OSBPL3: variants seen among roughly 807,000 people sequenced by gnomAD.
The protein encoded by OSBPL3 is oxysterol-binding protein-related protein 3.
In OSBPL3, 65 loss-of-function variants were observed where a neutral mutation model predicts 120.1. That is an observed-to-expected ratio of 0.54 (90% CI 0.44 to 0.67). The LOEUF (loss-of-function observed/expected upper bound fraction) is 0.67. OSBPL3 is among the 30% of genes least tolerant of loss of function. The pLI, the probability that OSBPL3 is intolerant of heterozygous loss-of-function variation, is 0.00. For missense variants in OSBPL3, 1,004 were observed against 1,082.1 expected, an observed-to-expected ratio of 0.93 and a Z score of 1.01; for synonymous variants, 416 against 402.6, an observed-to-expected ratio of 1.03 and a Z score of -0.40.
intron 10 of OSBPL3, among the ~76,000 whole-genome samples, chr7:24,859,605 T>G (rs777939238): frequency 6.6e-6 from 1 of 152,204 alleles, no homozygotes; most frequent in Non-Finnish European, 1.5e-5. Context: ...GATTATGGAC[T>G]CTGGGGTCAA....
At chr7:24,866,280 C>T in intron 5 of OSBPL3, 43 bp from the exon 6 acceptor site, 1 of 1,393,658 alleles carries the variant, frequency 7.2e-7, no homozygotes, top group African/African-American at 1.4e-5. Context: ...GAGAATCATT[C>T]ACTGGAAGGA....
rs1165117335 is a variant in OSBPL3 at position 24,900,172 on chromosome 7, GA to G, written c.-149-7552del. Reference sequence around the variant, plus strand: ...ACAGACCAACAAAATCAGGAACTGAGAGGGGGACCCTGGGATCTGTTTTTCA... The same window carrying G: ...ACAGACCAACAAAATCAGGAACTGAGGGGGGACCCTGGGATCTGTTTTTCA... On this transcript the variant is annotated intron_variant, in intron 1 of 22. Transcript: ENST00000313367. This position sits in a 1 kb window ranked among gnomAD's most constrained non-coding sequence, Gnocchi z 4.5. Among the ~76,000 whole-genome samples, 1 of 152,212 alleles carries G rather than the reference GA, an allele frequency of 6.6e-6. No homozygotes were observed. The highest frequency in any genetic ancestry group is 1.5e-5 in the Non-Finnish European group (1 of 68,030).
chr7:24,967,006 A>G lies in OSBPL3; in HGVS notation c.-150+12880T>C, dbSNP rs897017855. ...TAAGATAAGCAATACACTGCCACAC[A>G]GGCAAATTCAGCTTAAGAGACTGAA... is the stretch of plus-strand genomic sequence containing the variant. On this transcript the variant is annotated intron_variant, in intron 1 of 22. Transcript: ENST00000313367. This position sits in a 1 kb window ranked among gnomAD's most constrained non-coding sequence, Gnocchi z 5.6. Among the ~76,000 whole-genome samples, 1 of 152,224 alleles carries G rather than the reference A, an allele frequency of 6.6e-6. No homozygotes were observed. The highest frequency in any genetic ancestry group is 1.5e-5 in the Non-Finnish European group (1 of 68,038).
intron 1 of OSBPL3, among the ~76,000 whole-genome samples, chr7:24,979,077 A>G (rs1817898912): frequency 6.6e-6 from 1 of 152,196 alleles, no homozygotes; most frequent in Non-Finnish European, 1.5e-5. Flanking sequence ...GCTTATGATG[A>G]CAGTACTTAA....
chr7:24,875,481 AT>A (rs1802718878), intron 2 of OSBPL3, among the ~76,000 whole-genome samples: 1 of 152,170 alleles, frequency 6.6e-6, no homozygotes, highest in Non-Finnish European at 1.5e-5. Flanking sequence ...CATTCTTTGA[AT>A]TTTCCTTTAT....
Position 24,834,515 on chromosome 7 carries a change from C to T in OSBPL3, c.1717G>A (p.Ala573Thr), listed in dbSNP as rs374820095. 8.5e-5 allele frequency: 137 copies of T among 1,613,024 alleles called. 1 individual carries two copies. Among genetic ancestry groups the T allele is most frequent in the Admixed American group, 2.2e-4 (13 of 59,906 alleles). ...CTTTCCAGGGGGCTGGGAATCTGCG[C>T]GGCCTTGTCCAGGAGCTCGCTGTAC... ...LEYSELLDKAAQIPSPLERMV... is the reference protein window; with the variant it reads ...LEYSELLDKATQIPSPLERMV... Residue 573 changes from alanine to threonine, a missense_variant, in exon 15 of 23, where the codon GCG becomes ACG. Physicochemically the swap from Ala to Thr is moderately conservative, Grantham distance 58 (BLOSUM62 0). Around this residue, in one of 4 missense-constraint regions of OSBPL3, gnomAD observed 473 missense variants for 568.0 expected, o/e 0.83. Transcript: ENST00000313367. The surrounding 1 kb of genome is among the most constrained non-coding windows in gnomAD (Gnocchi z 5.2).
At position 24,830,532 on chromosome 7, in the gene OSBPL3, C is replaced by T. The variant is rs774369652; in HGVS notation, c.1884+236G>A. Among the ~76,000 whole-genome samples the T allele has an allele frequency of 5.3e-4, 80 of 152,026 alleles. No homozygotes were observed. Among genetic ancestry groups the T allele is most frequent in the African/African-American group, 1.9e-3 (77 of 41,340 alleles). Reference sequence around the variant, plus strand: ...TAATGATTTTAAAGAGAAAGGACACCGGCAATGCATGTAGCCAAGCAAGTG... The same window carrying T: ...TAATGATTTTAAAGAGAAAGGACACTGGCAATGCATGTAGCCAAGCAAGTG... On this transcript the variant is annotated intron_variant, in intron 16 of 22. Transcript: ENST00000313367. This position sits in a 1 kb window ranked among gnomAD's most constrained non-coding sequence, Gnocchi z 4.4.
chr7:24,834,804 G>A lies in OSBPL3; in HGVS notation c.1496-68C>T, dbSNP rs867252073. On this transcript the variant is annotated intron_variant, in intron 14 of 22. Coordinates refer to ENST00000313367, the MANE Select transcript of OSBPL3 (RefSeq NM_015550.4). This position sits in a 1 kb window ranked among gnomAD's most constrained non-coding sequence, Gnocchi z 5.2. ...TTTTATTCTATTATTTTTAATCCAC[G>A]AATAAAACCTTACGTAGCAAGTAGT... The A allele has an allele frequency of 1.4e-5, 20 of 1,380,626 alleles. No homozygotes were observed. Among genetic ancestry groups the A allele is most frequent in the South Asian group, 5.8e-5 (4 of 69,210 alleles). 85.5% of individuals were successfully genotyped at this position (1,380,626 alleles called of 1,614,324 possible). A position where few individuals can be genotyped will look rare whatever the true frequency, so the allele number is the denominator to read the frequency against.
At chr7:24,969,180 C>A (rs189388661) in intron 1 of OSBPL3, among the ~76,000 whole-genome samples, 1 of 152,206 alleles carries the variant, frequency 6.6e-6, no homozygotes, top group African/African-American at 2.4e-5. Flanking sequence ...TGATGTCTGC[C>A]AACCCGATAG....
At chr7:24,971,280 C>G (rs1316483237) in intron 1 of OSBPL3, among the ~76,000 whole-genome samples, 1 of 152,252 alleles carries the variant, frequency 6.6e-6, no homozygotes, top group East Asian at 1.9e-4. Flanking sequence ...TTCGCCCTCT[C>G]TAAGCCTGGA....
intron 1 of OSBPL3, among the ~76,000 whole-genome samples, chr7:24,914,140 A>T (rs1809225827): frequency 6.6e-6 from 1 of 152,146 alleles, no homozygotes. Flanking sequence ...GAATAGGAAC[A>T]GAAGAATGAT....
chr7:24,904,763 C>T (rs1345800469), intron 1 of OSBPL3, among the ~76,000 whole-genome samples: 3 of 151,448 alleles, frequency 2.0e-5, no homozygotes, highest in Non-Finnish European at 2.9e-5. Context: ...AGGACAAATA[C>T]GGCATGATTC....
rs1816686850 is a variant in OSBPL3 at position 24,968,844 on chromosome 7, C to T, written c.-150+11042G>A. On this transcript the variant is annotated intron_variant, in intron 1 of 22. Coordinates refer to ENST00000313367, the MANE Select transcript of OSBPL3 (RefSeq NM_015550.4). This position sits in a 1 kb window ranked among gnomAD's most constrained non-coding sequence, Gnocchi z 4.6. ...TCACAATAAATCTCACATATCATTC[C>T]ATATCAGAAAATGTAGAGCTGCCTC... is the stretch of plus-strand genomic sequence containing the variant. 6.6e-6 allele frequency among the ~76,000 whole-genome samples: 1 copy of T among 152,112 alleles called. No homozygotes were observed. Among genetic ancestry groups the T allele is most frequent in the Admixed American group, 6.5e-5 (1 of 15,278 alleles).
chr7:24,808,494 T>C lies in OSBPL3; in HGVS notation c.2317+1313A>G, dbSNP rs780746384. On this transcript the variant is annotated intron_variant, in intron 20 of 22. Transcript: ENST00000313367. This position sits in a 1 kb window ranked among gnomAD's most constrained non-coding sequence, Gnocchi z 4.6. ...CAGTTCTCATCTGTGATGCATACTT[T>C]AAGCAAAGGAGACAGACTGTGCCAT... Among the ~76,000 whole-genome samples the C allele has an allele frequency of 3.3e-5, 5 of 152,230 alleles. No individual in the cohort carries two copies. The highest frequency in any genetic ancestry group is 7.3e-5 in the Non-Finnish European group (5 of 68,038).
intron 16 of OSBPL3, among the ~76,000 whole-genome samples, chr7:24,828,633 A>AAAAAAG (rs1554349993): frequency 5.2e-5 from 7 of 134,714 alleles, no homozygotes; most frequent in Admixed American, 8.0e-5. Flanking sequence ...AAAAAAAAAA[A>AAAAAAG]AAAGGCATCG....
At chr7:24,942,683 A>G (rs1813241754) in intron 1 of OSBPL3, among the ~76,000 whole-genome samples, 1 of 152,202 alleles carries the variant, frequency 6.6e-6, no homozygotes, top group Non-Finnish European at 1.5e-5. Context: ...AATATTCAAA[A>G]TGGCTTTTTT....
intron 1 of OSBPL3, among the ~76,000 whole-genome samples, chr7:24,903,185 C>A (rs1310740735): frequency 6.6e-6 from 1 of 152,224 alleles, no homozygotes; most frequent in Non-Finnish European, 1.5e-5. Context: ...ATTTCATCTT[C>A]TGGGTGAGCC....
At chr7:24,809,397 G>T (rs946136158) in intron 20 of OSBPL3, among the ~76,000 whole-genome samples, 1 of 152,166 alleles carries the variant, frequency 6.6e-6, no homozygotes, top group Non-Finnish European at 1.5e-5. Flanking sequence ...TCAGCCTGGG[G>T]ATAGTTAACA....
At chr7:24,853,476 G>T (rs922871558) in intron 10 of OSBPL3, among the ~76,000 whole-genome samples, 8 of 152,144 alleles carry the variant, frequency 5.3e-5, no homozygotes, top group Non-Finnish European at 1.0e-4. Flanking sequence ...GAGAAAGAAA[G>T]GCTGAGGAAC....
Sources: gnomAD v4.1 joint callset for allele counts (sites outside exome capture counted in the v4.1 genomes callset) on GRCh38, gnomAD v4.1.1 for gene constraint, gnomAD v4.1.1 regional missense constraint, Gnocchi (gnomAD v3.1) non-coding constraint, MANE v1.5 for transcripts, NCBI Gene and HGNC (gene_info 2026-07-23, HGNC 2026-07-21) for gene names.